NOTCH2NLC: variants seen among roughly 807,000 people sequenced by gnomAD.
The protein encoded by NOTCH2NLC is notch homolog 2 N-terminal-like protein C.
A neutral mutation model predicts 17.7 loss-of-function variants in NOTCH2NLC; 4 were observed. The observed-to-expected ratio is 0.23, with a 90% CI of 0.11 to 0.52. The LOEUF is 0.52. Ranked by LOEUF, NOTCH2NLC falls within the 20% of genes least tolerant of loss-of-function variation. The pLI, the probability that NOTCH2NLC is intolerant of heterozygous loss-of-function variation, is 0.96. For synonymous variants in NOTCH2NLC, 18 were observed against 86.0 expected (o/e 0.21, Z 4.38); for missense variants, 57 against 207.2 (o/e 0.28, Z 4.45).
intron 2 of NOTCH2NLC, among the ~76,000 whole-genome samples, chr1:149,445,791 A>G (rs2084548470): frequency 1.4e-5 from 2 of 148,052 alleles, no homozygotes; most frequent in Non-Finnish European, 3.0e-5. Flanking sequence ...TTTAAAAATC[A>G]TGACTTTGAA....
chr1:149,457,593 G>A lies in NOTCH2NLC; in HGVS notation c.469+2016G>A, dbSNP rs1438628797. Among the ~76,000 whole-genome samples, 40 of 150,286 alleles carry A rather than the reference G, an allele frequency of 2.7e-4. 1 individual carries two copies. The highest frequency in any genetic ancestry group is 1.5e-3 in the Admixed American group (23 of 15,050). On this transcript the variant is annotated intron_variant, in intron 3 of 4. Transcript: ENST00000650865. Reference sequence around the variant, plus strand: ...TAAGTATTAATTCACATGATCACGAGGTCCCACAATAGGCTGTCTGCAGGC... The same window carrying A: ...TAAGTATTAATTCACATGATCACGAAGTCCCACAATAGGCTGTCTGCAGGC...
intron 1 of NOTCH2NLC, among the ~76,000 whole-genome samples, chr1:149,413,606 C>A (rs2101473987): frequency 6.6e-6 from 1 of 151,010 alleles, no homozygotes; most frequent in African/African-American, 2.4e-5. Flanking sequence ...TGAGAAGGGG[C>A]ATCCTACCAG....
chr1:149,400,139 A>ATATTT lies in NOTCH2NLC; in HGVS notation c.135+9218_135+9219insATTTT, dbSNP rs1570899101. Reference sequence around the variant, plus strand: ...ATATATATATATATATATAATATATATTTTTTTTTTAGTTTATGAACAGAT... The same window carrying ATATTT: ...ATATATATATATATATATAATATATATATTTTTTTTTTTTTAGTTTATGAACAGAT... On this transcript the variant is annotated intron_variant, in intron 1 of 4. Transcript: ENST00000650865. 3.0e-5 allele frequency among the ~76,000 whole-genome samples: 4 copies of ATATTT among 131,976 alleles called. 1 individual carries two copies. The highest frequency in any genetic ancestry group is 8.5e-5 in the African/African-American group (3 of 35,284). The allele number at this position is 131,976 out of a possible 152,430, so 86.6% of individuals were successfully genotyped here. A position where few individuals can be genotyped will look rare whatever the true frequency, so the allele number is the denominator to read the frequency against.
intron 1 of NOTCH2NLC, among the ~76,000 whole-genome samples, chr1:149,429,297 A>T (rs2084430971): frequency 2.0e-5 from 3 of 150,486 alleles, no homozygotes; most frequent in African/African-American, 7.3e-5. Flanking sequence ...TACTATTGGT[A>T]AATGGGTATA....
intron 3 of NOTCH2NLC, among the ~76,000 whole-genome samples, chr1:149,460,858 T>TCTTTCTTTCTTTC (rs2084641700): frequency 1.2e-3 from 1 of 862 alleles, no homozygotes; most frequent in South Asian, 0.023. Flanking sequence ...TTTCTCCCTT[T>TCTTTCTTTCTTTC]CTTTCTTTCT....
chr1:149,402,512 A>G, intron 1 of NOTCH2NLC, among the ~76,000 whole-genome samples: 1 of 92,942 alleles, frequency 1.1e-5, no homozygotes, highest in East Asian at 3.2e-4. Flanking sequence ...GGAGTAGACA[A>G]TATTTTTCTA....
chr1:149,390,802 A>ATGCGGCGGCGGCGGCGGC lies in NOTCH2NLC; in HGVS notation c.15_16insTGCGGCGGCGGCGGCGGC (p.Pro5_Gly6insCysGlyGlyGlyGlyGly). On this transcript the variant is annotated inframe_insertion, in exon 1 of 5. Transcript: ENST00000650865. ...ACCCCCTCCCCATGTGGATCTGCCC[A>ATGCGGCGGCGGCGGCGGC]GGCGGCGGCGGCGGCGGCGGCGGCG... The ATGCGGCGGCGGCGGCGGC allele has an allele frequency of 1.2e-6, 1 of 827,786 alleles. No individual in the cohort carries two copies. Among genetic ancestry groups the ATGCGGCGGCGGCGGCGGC allele is most frequent in the Non-Finnish European group, 1.5e-6 (1 of 650,360 alleles). The allele number at this position is 827,786 out of a possible 1,614,324, so 51.3% of individuals were successfully genotyped here. A position where few individuals can be genotyped will look rare whatever the true frequency, so the allele number is the denominator to read the frequency against.
At chr1:149,418,896 T>A (rs1309427565) in intron 1 of NOTCH2NLC, among the ~76,000 whole-genome samples, 1 of 150,520 alleles carries the variant, frequency 6.6e-6, no homozygotes, top group Non-Finnish European at 1.5e-5. Context: ...AAATGGAAGG[T>A]AGGCCAGGGC....
At chr1:149,433,853 C>T (rs2084467846) in intron 2 of NOTCH2NLC, among the ~76,000 whole-genome samples, 1 of 150,294 alleles carries the variant, frequency 6.7e-6, no homozygotes, top group African/African-American at 2.4e-5. Context: ...GAGGCTGAGG[C>T]AGGAGAATGG....
chr1:149,439,973 G>T (rs2084506337), intron 2 of NOTCH2NLC, among the ~76,000 whole-genome samples: 1 of 149,156 alleles, frequency 6.7e-6, no homozygotes, highest in African/African-American at 2.5e-5. Flanking sequence ...TAAAGACTAA[G>T]AAAGGCATTA....
chr1:149,451,762 C>CA (rs1350377503), intron 2 of NOTCH2NLC, among the ~76,000 whole-genome samples: 52 of 88,206 alleles, frequency 5.9e-4, no homozygotes, highest in Admixed American at 4.5e-3. Flanking sequence ...GTTTCTCAAA[C>CA]ACGCTAGGGC....
intron 2 of NOTCH2NLC, among the ~76,000 whole-genome samples, chr1:149,448,713 T>C (rs1397201192): frequency 6.7e-6 from 1 of 150,212 alleles, no homozygotes; most frequent in Non-Finnish European, 1.5e-5. Context: ...GCTGCACTGG[T>C]AAGAACATGT....
At chr1:149,405,415 G>C (rs2084262880) in intron 1 of NOTCH2NLC, among the ~76,000 whole-genome samples, 1 of 145,126 alleles carries the variant, frequency 6.9e-6, no homozygotes, top group African/African-American at 2.6e-5. Context: ...GACTTTACTT[G>C]TTTCCTTTAG....
intron 2 of NOTCH2NLC, among the ~76,000 whole-genome samples, chr1:149,436,489 G>A: frequency 1.7e-5 from 1 of 58,346 alleles, no homozygotes; most frequent in Admixed American, 1.9e-4. Context: ...GTAGAGAGTA[G>A]AGACACTCAT....
chr1:149,464,586 G>T lies in NOTCH2NLC; in HGVS notation c.*433G>T, dbSNP rs1383726926. ...GCAGTGTCGGGGAGCTTGGGGCCTG[G>T]TGTTCCATGGAGAGGGAGAAAGGAA... On this transcript the variant is annotated 3_prime_UTR_variant, in exon 5 of 5. Coordinates refer to ENST00000650865, the MANE Select transcript of NOTCH2NLC (RefSeq NM_001364013.2). 8 of 159,446 alleles carry T rather than the reference G, an allele frequency of 5.0e-5. No individual in the cohort carries two copies. Among genetic ancestry groups the T allele is most frequent in the Non-Finnish European group, 1.1e-4 (8 of 72,510 alleles). 9.9% of individuals were successfully genotyped at this position (159,446 alleles called of 1,614,324 possible).
chr1:149,444,970 G>A (rs1386124777), intron 2 of NOTCH2NLC, among the ~76,000 whole-genome samples: 1 of 149,884 alleles, frequency 6.7e-6, no homozygotes, highest in East Asian at 2.0e-4. Context: ...GAGAAAAGGG[G>A]GGGTTGAGAG....
Position 149,466,363 on chromosome 1 carries a change from C to T in NOTCH2NLC, c.*2210C>T, listed in dbSNP as rs1360371365. On this transcript the variant is annotated 3_prime_UTR_variant, in exon 5 of 5. Transcript: ENST00000650865. Reference sequence around the variant, plus strand: ...CTTTTCAGGGTCCCATAATCTAAACCAGATGACTTCAGCTTTGGATAAATA... The same window carrying T: ...CTTTTCAGGGTCCCATAATCTAAACTAGATGACTTCAGCTTTGGATAAATA... The T allele has an allele frequency of 7.0e-6, 1 of 142,396 alleles. No homozygotes were observed. The highest frequency in any genetic ancestry group is 2.6e-5 in the African/African-American group (1 of 38,790). 8.8% of individuals were successfully genotyped at this position (142,396 alleles called of 1,614,324 possible). A position where few individuals can be genotyped will look rare whatever the true frequency, so the allele number is the denominator to read the frequency against.
At chr1:149,462,169 G>A (rs1285862613) in intron 3 of NOTCH2NLC, among the ~76,000 whole-genome samples, 2 of 149,852 alleles carry the variant, frequency 1.3e-5, no homozygotes, top group African/African-American at 4.9e-5. Context: ...TCTCATCTCT[G>A]TAGTTTAAAT....
At position 149,471,016 on chromosome 1, in the gene NOTCH2NLC, A is replaced by T. The variant is rs1190510496; in HGVS notation, c.*6863A>T. On this transcript the variant is annotated 3_prime_UTR_variant, in exon 5 of 5. Transcript: ENST00000650865. The stretch of plus-strand genomic sequence containing the variant: ...ATTGTCTGTCTTTTTTATTATATTC[A>T]TCTGTAATGTGAAGTGTTTATCTCA... Among the ~76,000 whole-genome samples the T allele has an allele frequency of 1.3e-5, 2 of 148,782 alleles. No homozygotes were observed. Among genetic ancestry groups the T allele is most frequent in the East Asian group, 4.0e-4 (2 of 4,980 alleles).
Sources: gnomAD v4.1 joint callset for allele counts (sites outside exome capture counted in the v4.1 genomes callset) on GRCh38, gnomAD v4.1.1 for gene constraint, MANE v1.5 for transcripts, NCBI Gene and HGNC (gene_info 2026-07-23, HGNC 2026-07-21) for gene names.